RAD51B: variants seen among roughly 807,000 people sequenced by gnomAD.
RAD51B encodes DNA repair protein RAD51 homolog 2.
A neutral mutation model predicts 42.2 loss-of-function variants in RAD51B; 38 were observed. The ratio of observed to expected loss-of-function variants is 0.90; its 90% CI spans 0.70 to 1.18. The LOEUF (loss-of-function observed/expected upper bound fraction) is 1.18, where lower values mean the gene tolerates loss of function less well. Among genes scored for constraint, RAD51B ranks in the 50% most tolerant of loss-of-function variants. The pLI, the probability that RAD51B is intolerant of heterozygous loss-of-function variation, is 0.00. For missense variants in RAD51B, 373 were observed against 400.7 expected (o/e 0.93, Z 0.59); for synonymous variants, 154 against 145.2 (o/e 1.06, Z -0.43).
intron 7 of RAD51B, among the ~76,000 whole-genome samples, chr14:67,934,752 G>C (rs1307000432): frequency 6.6e-6 from 1 of 152,220 alleles, no homozygotes; most frequent in Non-Finnish European, 1.5e-5. Flanking sequence ...CTTGAGGGCA[G>C]GGAGTGTATA....
At chr14:68,327,368 T>C (rs2139786715) in intron 8 of RAD51B, among the ~76,000 whole-genome samples, 1 of 66,728 alleles carries the variant, frequency 1.5e-5, no homozygotes, top group African/African-American at 3.8e-5. Flanking sequence ...TTCTTCAGTT[T>C]GTTTTTTTTT....
rs761990240 is a variant in RAD51B, at chr14:68,411,450, G to C, written c.880G>C (p.Ala294Pro). The change falls in exon 9 of 11, where the codon GCC becomes CCC. Residue 294 changes from alanine (A) to proline (P), a missense_variant. Ala to Pro is a conservative substitution (Grantham distance 27). Coordinates refer to ENST00000471583, the MANE Select transcript of RAD51B (RefSeq NM_133510.4). ...EGTSGSSCVIAALGNTWSHSV... is the reference protein window; with the variant it reads ...EGTSGSSCVIPALGNTWSHSV... ...CACTTCTGGATCCAGCTGTGTGATA[G>C]CCGCACTAGGAAATACCTGGAGTCA... 18 of 1,614,094 alleles carry C rather than the reference G, an allele frequency of 1.1e-5. No individual in the cohort carries two copies. The highest frequency in any genetic ancestry group is 1.7e-4 in the Middle Eastern group (1 of 6,044).
At chr14:68,499,392 C>T (rs911997214) in intron 10 of RAD51B, among the ~76,000 whole-genome samples, 1 of 152,150 alleles carries the variant, frequency 6.6e-6, no homozygotes, top group Non-Finnish European at 1.5e-5. Context: ...CAAAGAAGCA[C>T]TGATGTTACC....
At chr14:68,226,019 A>G (rs1395324748) in intron 7 of RAD51B, among the ~76,000 whole-genome samples, 1 of 152,210 alleles carries the variant, frequency 6.6e-6, no homozygotes, top group Admixed American at 6.5e-5. Context: ...GGCTTCCTGG[A>G]AATCCATTCA....
chr14:68,660,333 T>G (rs1023823788), intron 11 of RAD51B, among the ~76,000 whole-genome samples: 18 of 152,206 alleles, frequency 1.2e-4, no homozygotes, highest in Admixed American at 1.1e-3. Context: ...GATTTGAGAT[T>G]TTTGCAAAAT....
Position 68,087,114 on chromosome 14 carries a change from A to G in RAD51B, c.756+199910A>G, listed in dbSNP as rs2140504358. On this transcript the variant is annotated intron_variant, in intron 7 of 10. Coordinates refer to ENST00000471583, the MANE Select transcript of RAD51B (RefSeq NM_133510.4). ...TGCACCATTGCACTCCAACCTGGGC[A>G]ACAAGAGTGAAACGCCATCTCAAAA... is the stretch of plus-strand genomic sequence containing the variant. 2.0e-5 allele frequency among the ~76,000 whole-genome samples: 3 copies of G among 151,928 alleles called. No homozygotes were observed. In the South Asian group the frequency reaches 6.3e-4, roughly 32 times the overall value.
chr14:68,683,006 C>T (rs1326633196), intron 11 of RAD51B: 2 of 965,576 alleles, frequency 2.1e-6, no homozygotes, highest in African/African-American at 3.7e-5. Context: ...CACGCAGCAG[C>T]ATATCCTGTC....
At chr14:68,120,971 C>A (rs532615149) in intron 7 of RAD51B, among the ~76,000 whole-genome samples, 2 of 152,190 alleles carry the variant, frequency 1.3e-5, no homozygotes, top group African/African-American at 4.8e-5. Flanking sequence ...ATGTACTAGT[C>A]TTCTGTCATA....
chr14:68,058,156 G>A (rs1279189566), intron 7 of RAD51B, among the ~76,000 whole-genome samples: 3 of 151,812 alleles, frequency 2.0e-5, no homozygotes, highest in East Asian at 1.9e-4. Context: ...TATTAGCAAG[G>A]GCTTATTTAT....
intron 7 of RAD51B, among the ~76,000 whole-genome samples, chr14:68,252,348 A>G (rs185510847): frequency 6.6e-6 from 1 of 152,356 alleles, no homozygotes; most frequent in African/African-American, 2.4e-5. Context: ...AATAAGAGCC[A>G]TCTAAAATTA....
chr14:67,887,834 G>C (rs1232220618), intron 7 of RAD51B, among the ~76,000 whole-genome samples: 1 of 152,166 alleles, frequency 6.6e-6, no homozygotes, highest in African/African-American at 2.4e-5. Context: ...GCTATTACAA[G>C]GGCTTGTGAT....
intron 10 of RAD51B, among the ~76,000 whole-genome samples, chr14:68,546,775 G>A (rs1348322974): frequency 2.0e-5 from 3 of 152,168 alleles, no homozygotes; most frequent in African/African-American, 7.2e-5. Flanking sequence ...TGGCTACTAT[G>A]GGATAGCATG....
At chr14:68,348,889 TG>T (rs963746252) in intron 8 of RAD51B, among the ~76,000 whole-genome samples, 2 of 152,228 alleles carry the variant, frequency 1.3e-5, no homozygotes, top group Non-Finnish European at 2.9e-5. Flanking sequence ...ATACTGACTT[TG>T]TCTCATAGTT....
chr14:68,183,990 G>A (rs1011610182), intron 7 of RAD51B, among the ~76,000 whole-genome samples: 1 of 151,658 alleles, frequency 6.6e-6, no homozygotes, highest in African/African-American at 2.4e-5. Flanking sequence ...TACTCGGGGG[G>A]GGTGAGGCAG....
chr14:67,946,687 A>G (rs1047556969), intron 7 of RAD51B, among the ~76,000 whole-genome samples: 2 of 152,226 alleles, frequency 1.3e-5, no homozygotes, highest in Admixed American at 6.5e-5. Context: ...TTTAGAGAAA[A>G]CAAAAGTCTT....
At chr14:68,371,075 T>TAAA (rs141972827) in intron 8 of RAD51B, among the ~76,000 whole-genome samples, 1 of 129,340 alleles carries the variant, frequency 7.7e-6, no homozygotes, top group Non-Finnish European at 1.7e-5. Flanking sequence ...AAAAGAAAAT[T>TAAA]AAAAAAAAAG....
In RAD51B at chr14:68,260,524, C is replaced by T. The variant is rs116626038; in HGVS notation, c.757-31360C>T. 3.4e-3 allele frequency among the ~76,000 whole-genome samples: 523 copies of T among 152,176 alleles called. 3 individuals are homozygous for T. The highest frequency in any genetic ancestry group is 0.011 in the African/African-American group (468 of 41,490). On this transcript the variant is annotated intron_variant, in intron 7 of 10. Transcript: ENST00000471583. ...ATTATTATGGTTAGGTTTGATGAAG[C>T]ATGGACAGTCATGTAGAAGTATAGT...
chr14:68,664,260 T>A (rs559857602), intron 11 of RAD51B, among the ~76,000 whole-genome samples: 1 of 152,294 alleles, frequency 6.6e-6, no homozygotes, highest in African/African-American at 2.4e-5. Context: ...CCCCTATCTC[T>A]TTTCTACATA....
chr14:67,870,055 A>G (rs374658517), intron 5 of RAD51B, among the ~76,000 whole-genome samples: 10 of 151,412 alleles, frequency 6.6e-5, no homozygotes, highest in Non-Finnish European at 1.5e-4. Context: ...AGCTAACATC[A>G]TAATGACAGG....
Sources: gnomAD v4.1 joint callset for allele counts (sites outside exome capture counted in the v4.1 genomes callset) on GRCh38, gnomAD v4.1.1 for gene constraint, MANE v1.5 for transcripts, NCBI Gene and HGNC (gene_info 2026-07-23, HGNC 2026-07-21) for gene names.